Variants in ECHDC1 observed in about 807,000 individuals in gnomAD.
ECHDC1 encodes ethylmalonyl-CoA decarboxylase.
A neutral mutation model predicts 29.7 loss-of-function variants in ECHDC1; 29 were observed. That is an observed-to-expected ratio of 0.98 (90% CI 0.73 to 1.33). The LOEUF is 1.33. Ranked by LOEUF, ECHDC1 falls within the 40% of genes most tolerant of loss-of-function variation. ECHDC1 has a pLI of 0.00. For synonymous variants in ECHDC1, 126 were observed against 123.1 expected (o/e 1.02, Z -0.15); for missense variants, 328 against 350.0 (o/e 0.94, Z 0.50).
At chr6:127,315,443 T>C (rs1200585041) in intron 4 of ECHDC1, 1 of 236,428 alleles carries the variant, frequency 4.2e-6, no homozygotes, top group African/African-American at 2.3e-5. Flanking sequence ...TATAAAGGCA[T>C]GATTTTGCAG....
intron 1 of ECHDC1, chr6:127,342,598 T>C (rs866387298): frequency 2.0e-6 from 1 of 495,498 alleles, no homozygotes; most frequent in South Asian, 3.6e-5. Flanking sequence ...AGCCCTTTGT[T>C]TTCCTTGCCC....
chr6:127,315,135 C>T (rs983597071), intron 4 of ECHDC1: 2 of 646,748 alleles, frequency 3.1e-6, no homozygotes, highest in Admixed American at 2.1e-5. Flanking sequence ...ATTAAAATAC[C>T]TCCCTGAATC....
intron 3 of ECHDC1, among the ~76,000 whole-genome samples, chr6:127,325,221 T>G (rs1277146774): frequency 1.3e-5 from 2 of 152,154 alleles, no homozygotes; most frequent in African/African-American, 4.8e-5. Context: ...TTGAAGGATA[T>G]TCTACAGAAT....
At chr6:127,306,975 T>G (rs1319328178) in intron 5 of ECHDC1, among the ~76,000 whole-genome samples, 2 of 152,166 alleles carry the variant, frequency 1.3e-5, no homozygotes, top group African/African-American at 2.4e-5. Context: ...AATAAACATC[T>G]TCTGTGATCA....
Position 127,289,824 on chromosome 6 carries a change from T to TA in ECHDC1, c.*44dup, listed in dbSNP as rs780555088. On this transcript the variant is annotated 3_prime_UTR_variant, in exon 6 of 6. Transcript: ENST00000454859. ...AATATCATTTAACATTTATACATAT[T>TA]AGTCACTGGAGCTTTACTTGGAGTA... 8 of 1,516,338 alleles carry TA rather than the reference T, an allele frequency of 5.3e-6. No individual in the cohort carries two copies. The highest frequency in any genetic ancestry group is 7.1e-6 in the Non-Finnish European group (8 of 1,122,842). 93.9% of individuals were successfully genotyped at this position (1,516,338 alleles called of 1,614,324 possible). A position where few individuals can be genotyped will look rare whatever the true frequency, so the allele number is the denominator to read the frequency against.
intron 5 of ECHDC1, among the ~76,000 whole-genome samples, chr6:127,290,711 A>T (rs1780092622): frequency 6.6e-6 from 1 of 152,108 alleles, no homozygotes; most frequent in African/African-American, 2.4e-5. Context: ...TCTATTCAGC[A>T]AGTATTTACA....
In ECHDC1 at chr6:127,289,090, A is replaced by G. The variant is rs1333067915; in HGVS notation, c.*779T>C. On this transcript the variant is annotated 3_prime_UTR_variant, in exon 6 of 6. Coordinates refer to ENST00000454859, the MANE Select transcript of ECHDC1 (RefSeq NM_001002030.2). The stretch of plus-strand genomic sequence containing the variant: ...GTTAGAAGGTTAGTTGTTTTTCAGG[A>G]AAAAAAAGAAATCTGATGTAAAAAT... 6.6e-6 allele frequency: 1 copy of G among 151,638 alleles called. No individual in the cohort carries two copies. Among genetic ancestry groups the G allele is most frequent in the African/African-American group, 2.4e-5 (1 of 41,108 alleles). The allele number at this position is 151,638 out of a possible 1,614,324, so 9.4% of individuals were successfully genotyped here. A position where few individuals can be genotyped will look rare whatever the true frequency, so the allele number is the denominator to read the frequency against.
rs1779839132 is a variant in ECHDC1 at position 127,288,780 on chromosome 6, A to AT, written c.*1088_*1089insA. The AT allele has an allele frequency of 6.6e-6, 1 of 152,130 alleles. No homozygotes were observed. The highest frequency in any genetic ancestry group is 1.5e-5 in the Non-Finnish European group (1 of 67,974). The allele number at this position is 152,130 out of a possible 1,614,324, so 9.4% of individuals were successfully genotyped here. ...TATGGCCAAATAGTATTGGGTTGAC[A>AT]CAGTAATCTAGAGTTTACCTCTGAA... On this transcript the variant is annotated 3_prime_UTR_variant, in exon 6 of 6. Coordinates refer to ENST00000454859, the MANE Select transcript of ECHDC1 (RefSeq NM_001002030.2).
intron 5 of ECHDC1, among the ~76,000 whole-genome samples, chr6:127,294,202 T>G (rs1025056934): frequency 2.0e-5 from 3 of 152,184 alleles, no homozygotes; most frequent in African/African-American, 7.2e-5. Flanking sequence ...GAATCACTGA[T>G]TTAAATATAA....
chr6:127,300,847 G>A (rs573490836), intron 5 of ECHDC1, among the ~76,000 whole-genome samples: 1 of 152,316 alleles, frequency 6.6e-6, no homozygotes, highest in Non-Finnish European at 1.5e-5. Context: ...ACATCTGTGA[G>A]ATAATAACGT....
chr6:127,341,368 A>G (rs1784928165), intron 1 of ECHDC1, among the ~76,000 whole-genome samples: 2 of 152,232 alleles, frequency 1.3e-5, no homozygotes, highest in Admixed American at 1.3e-4. Context: ...TGAGATGACA[A>G]GGTGTTAGTC....
intron 1 of ECHDC1, chr6:127,342,548 C>G (rs1785047150): frequency 1.7e-6 from 1 of 589,076 alleles, no homozygotes; most frequent in Admixed American, 3.2e-5. Context: ...TCACCACAAG[C>G]TTGTCTGTTC....
At chr6:127,338,005 TG>T (rs2114709558) in intron 1 of ECHDC1, among the ~76,000 whole-genome samples, 1 of 152,336 alleles carries the variant, frequency 6.6e-6, no homozygotes, top group South Asian at 2.1e-4. Context: ...TATTCTTCAC[TG>T]GATTATTTAA....
At chr6:127,325,711 AT>A (rs35573067) in intron 3 of ECHDC1, among the ~76,000 whole-genome samples, 1 of 151,412 alleles carries the variant, frequency 6.6e-6, no homozygotes, top group Admixed American at 6.6e-5. Flanking sequence ...GAGTTTCACT[AT>A]TTTTTTGAGA....
rs1345428239 is a variant in ECHDC1, at chr6:127,343,416, C to T, written c.-83G>A. The T allele has an allele frequency of 1.3e-5, 2 of 152,730 alleles. No individual in the cohort carries two copies. The highest frequency in any genetic ancestry group is 2.1e-4 in the South Asian group (1 of 4,824). 9.5% of individuals were successfully genotyped at this position (152,730 alleles called of 1,614,324 possible). The stretch of plus-strand genomic sequence containing the variant: ...TTTTGCGTGCCTTTGTTTCCGCTCC[C>T]CCCGGGACCATCGTGCGCCCCTGTC... On this transcript the variant is annotated 5_prime_UTR_variant, in exon 1 of 6. Transcript: ENST00000454859.
intron 5 of ECHDC1, among the ~76,000 whole-genome samples, chr6:127,301,249 C>T (rs1781032689): frequency 6.6e-6 from 1 of 152,286 alleles, no homozygotes; most frequent in South Asian, 2.1e-4. Context: ...CTATTACCAG[C>T]TGGTGCTCAC....
At chr6:127,329,915 TAAAG>T (rs769136078) in intron 2 of ECHDC1, 2 of 455,088 alleles carry the variant, frequency 4.4e-6, no homozygotes, top group South Asian at 3.1e-5. Flanking sequence ...ATCTTGGGTT[TAAAG>T]ACTCACCACT....
chr6:127,314,877 C>G lies in ECHDC1; in HGVS notation c.436G>C (p.Ala146Pro). ...RFMRLPLISV[A>P]LVQGWALGGG... is the part of the protein sequence containing the mutation. ...CCCAATGCCCAACCTTGAACCAGCG[C>G]AACACTTATTAAAGGAAGTCTGTAT... is the stretch of plus-strand genomic sequence containing the variant. Residue 146 changes from alanine (A) to proline (P), a missense_variant, in exon 5 of 6, where the codon GCG becomes CCG. By Grantham distance (27) the Ala-to-Pro change is conservative. Transcript: ENST00000454859. 6.2e-7 allele frequency: 1 copy of G among 1,612,004 alleles called. No homozygotes were observed. Among genetic ancestry groups the G allele is most frequent in the South Asian group, 1.1e-5 (1 of 90,484 alleles).
intron 1 of ECHDC1, among the ~76,000 whole-genome samples, chr6:127,333,497 A>G (rs1330893827): frequency 1.3e-5 from 2 of 152,120 alleles, no homozygotes; most frequent in Middle Eastern, 3.4e-3. Flanking sequence ...ATACATACCC[A>G]TGTCTGATGG....
Sources: gnomAD v4.1 joint callset for allele counts (sites outside exome capture counted in the v4.1 genomes callset) on GRCh38, gnomAD v4.1.1 for gene constraint, MANE v1.5 for transcripts, NCBI Gene and HGNC (gene_info 2026-07-23, HGNC 2026-07-21) for gene names.